GPM6B: variants seen among roughly 807,000 people sequenced by gnomAD.
GPM6B encodes the protein glycoprotein M6B.
In GPM6B, 4 loss-of-function variants were observed where a neutral mutation model predicts 27.2. That is an observed-to-expected ratio of 0.15 (90% CI 0.07 to 0.34). The LOEUF is 0.34. GPM6B is among the 10% of genes least tolerant of loss of function. The probability of loss-of-function intolerance (pLI) is 1.00; values close to 1 mark genes in which losing one functional copy is unlikely to be tolerated. For synonymous variants in GPM6B, 124 were observed against 103.1 expected (o/e 1.20, Z -1.23); for missense variants, 183 against 261.9 (o/e 0.70, Z 2.08).
intron 1 of GPM6B, among the ~76,000 whole-genome samples, chrX:13,861,906 G>C (rs1219307912): frequency 8.9e-6 from 1 of 111,794 alleles, no homozygotes; most frequent in African/African-American, 3.3e-5. Context: ...TCAGGGAAGA[G>C]GGTTTACAAC....
At chrX:13,899,904 C>G (rs2050267629) in intron 1 of GPM6B, among the ~76,000 whole-genome samples, 1 of 112,347 alleles carries the variant, frequency 8.9e-6, no homozygotes, top group African/African-American at 3.2e-5. Flanking sequence ...ATTAATCATC[C>G]TCTCCAGTTG....
chrX:13,905,682 A>G (rs2050324181), intron 1 of GPM6B, among the ~76,000 whole-genome samples: 1 of 111,609 alleles, frequency 9.0e-6, no homozygotes, highest in Admixed American at 9.5e-5. Flanking sequence ...TTAGACCAGC[A>G]ATATGTGTAA....
At chrX:13,814,783 T>C (rs1401246042) in intron 1 of GPM6B, among the ~76,000 whole-genome samples, 6 of 111,613 alleles carry the variant, frequency 5.4e-5, no homozygotes, top group African/African-American at 2.0e-4. Flanking sequence ...TTATGGTGGG[T>C]CACACAACAA....
chrX:13,837,722 G>C lies in GPM6B; in HGVS notation c.-197-51914C>G, dbSNP rs1426345037. On this transcript the variant is annotated intron_variant, in intron 1 of 6. Transcript: ENST00000398361. ...CAAAGCAAGTTGGTGGGGGGGGGGGGGGGGGGAAGCAGAGGGGAAAGCAAA... is the reference window on the plus strand; with the variant it reads ...CAAAGCAAGTTGGTGGGGGGGGGGGCGGGGGGAAGCAGAGGGGAAAGCAAA... Among the ~76,000 whole-genome samples the C allele has an allele frequency of 2.5e-4, 22 of 86,956 alleles. 1 individual carries two copies. Among genetic ancestry groups the C allele is most frequent in the Admixed American group, 1.2e-3 (9 of 7,725 alleles). 75.5% of individuals were successfully genotyped at this position (86,956 alleles called of 115,157 possible). A position where few individuals can be genotyped will look rare whatever the true frequency, so the allele number is the denominator to read the frequency against.
Position 13,785,808 on chromosome X carries a change from C to A in GPM6B, c.182G>T (p.Gly61Val), listed in dbSNP as rs755205291. ...GDRASPLSSP[G>V]CFECCIKCLG... is the part of the protein sequence containing the mutation. Reference sequence around the variant, plus strand: ...ACACTTGATGCAGCATTCAAAGCAGCCTGAACCCAAAGGAGAGAAAATATA... The same window carrying A: ...ACACTTGATGCAGCATTCAAAGCAGACTGAACCCAAAGGAGAGAAAATATA... Residue 61 changes from glycine to valine, a missense_variant and splice_region_variant, in exon 3 of 8, where the codon GGC becomes GTC. Gly to Val is a moderately radical substitution (Grantham distance 109). Transcript: ENST00000316715. The A allele has an allele frequency of 2.5e-6, 3 of 1,201,929 alleles. No individual in the cohort carries two copies. The highest frequency in any genetic ancestry group is 3.4e-6 in the Non-Finnish European group (3 of 888,246).
intron 1 of GPM6B, among the ~76,000 whole-genome samples, chrX:13,905,640 C>G (rs937305958): frequency 9.0e-6 from 1 of 111,726 alleles, no homozygotes; most frequent in African/African-American, 3.3e-5. Context: ...ACCATTCTGC[C>G]TCTTCCATGT....
chrX:13,853,886 GC>G (rs2049750508), intron 1 of GPM6B, among the ~76,000 whole-genome samples: 2 of 112,012 alleles, frequency 1.8e-5, no homozygotes, highest in Admixed American at 1.9e-4. Context: ...TCCTGAACCA[GC>G]CTTATCACTT....
chrX:13,817,824 A>G (rs780999936), upstream of GPM6B, among the ~76,000 whole-genome samples: 1 of 112,422 alleles, frequency 8.9e-6, no homozygotes, highest in African/African-American at 3.2e-5. Context: ...CTCAAGCCTA[A>G]TTTGTAAAAA....
chrX:13,898,139 G>C (rs1341116635), intron 1 of GPM6B, among the ~76,000 whole-genome samples: 1 of 110,829 alleles, frequency 9.0e-6, no homozygotes, highest in Non-Finnish European at 1.9e-5. Flanking sequence ...ATTTCCTTTA[G>C]GCAAGGGTTT....
At chrX:13,808,387 G>A (rs1438385651) in intron 1 of GPM6B, among the ~76,000 whole-genome samples, 1 of 112,071 alleles carries the variant, frequency 8.9e-6, no homozygotes, top group African/African-American at 3.2e-5. Flanking sequence ...CTGGTCTTGG[G>A]CTCGAACCAC....
At chrX:13,789,926 G>C (rs1019874889) in intron 2 of GPM6B, among the ~76,000 whole-genome samples, 2 of 111,943 alleles carry the variant, frequency 1.8e-5, no homozygotes, top group African/African-American at 6.5e-5. Context: ...GCTCACTGCG[G>C]TGTTGAACTC....
At chrX:13,854,534 T>C (rs1272091506) in intron 1 of GPM6B, among the ~76,000 whole-genome samples, 1 of 112,326 alleles carries the variant, frequency 8.9e-6, no homozygotes, top group Non-Finnish European at 1.9e-5. Context: ...CCTCCACCTG[T>C]GCTTTTAAAA....
At chrX:13,838,156 G>T (rs1258988830) in intron 1 of GPM6B, among the ~76,000 whole-genome samples, 2 of 109,481 alleles carry the variant, frequency 1.8e-5, no homozygotes, top group East Asian at 2.9e-4. Flanking sequence ...AGGCAATATG[G>T]ATGCTTTATC....
chrX:13,920,281 A>G (rs1293648227), intron 1 of GPM6B, among the ~76,000 whole-genome samples: 5 of 82,627 alleles, frequency 6.1e-5, no homozygotes, highest in Non-Finnish European at 1.3e-4. Context: ...AAAAAAAAAA[A>G]AAAAAAAGAA....
At chrX:13,823,136 T>C (rs1277461608) in intron 1 of GPM6B, among the ~76,000 whole-genome samples, 4 of 112,951 alleles carry the variant, frequency 3.5e-5, no homozygotes, top group African/African-American at 1.3e-4. Flanking sequence ...GTATATTTGC[T>C]ATACTTTCCT....
chrX:13,854,252 A>G (rs900140078), intron 1 of GPM6B, among the ~76,000 whole-genome samples: 2 of 111,585 alleles, frequency 1.8e-5, no homozygotes, highest in Non-Finnish European at 3.8e-5. Context: ...TCTCCTAACA[A>G]AATTACTATT....
chrX:13,891,304 T>G (rs1199004864), intron 1 of GPM6B, among the ~76,000 whole-genome samples: 1 of 110,899 alleles, frequency 9.0e-6, no homozygotes. Flanking sequence ...CCCCAGGTGA[T>G]TCAAATACAT....
At chrX:13,886,405 T>C (rs977582112) in intron 1 of GPM6B, among the ~76,000 whole-genome samples, 4 of 110,617 alleles carry the variant, frequency 3.6e-5, no homozygotes, top group African/African-American at 1.3e-4. Context: ...AGTATCAGGA[T>C]AGAGTTACTT....
In GPM6B at chrX:13,771,016, G is replaced by A. The variant is rs916154171; in HGVS notation, c.*1865C>T. 1 of 112,432 alleles carries A rather than the reference G, an allele frequency of 8.9e-6. No individual in the cohort carries two copies. The highest frequency in any genetic ancestry group is 3.2e-5 in the African/African-American group (1 of 30,852). 9.3% of individuals were successfully genotyped at this position (112,432 alleles called of 1,213,427 possible). ...CCACCTAAATAGATCTTTAAAATAAGCATACACAAGTATTGACTATTATCT... is the reference window on the plus strand; with the variant it reads ...CCACCTAAATAGATCTTTAAAATAAACATACACAAGTATTGACTATTATCT... On this transcript the variant is annotated 3_prime_UTR_variant, in exon 8 of 8. Transcript: ENST00000316715.
Sources: allele counts gnomAD v4.1 joint callset (sites outside exome capture counted in the v4.1 genomes callset), GRCh38; gene constraint gnomAD v4.1.1; transcripts MANE v1.5; gene names NCBI Gene and HGNC (gene_info 2026-07-23, HGNC 2026-07-21).